MTUS2: variants seen among roughly 807,000 people sequenced by gnomAD.
The protein encoded by MTUS2 is microtubule-associated tumor suppressor candidate 2.
In MTUS2, 40 loss-of-function variants were observed where a neutral mutation model predicts 114.1. That is an observed-to-expected ratio of 0.35 (90% confidence interval 0.27 to 0.46). MTUS2 has a LOEUF of 0.46. Ranked by LOEUF, MTUS2 falls within the 20% of genes least tolerant of loss-of-function variation. The pLI is 1.00. For missense variants in MTUS2, 1,679 were observed against 1,705.4 expected, an observed-to-expected ratio of 0.98 and a Z score of 0.27; for synonymous variants, 688 against 672.0, an observed-to-expected ratio of 1.02 and a Z score of -0.37.
At chr13:29,279,017 C>T (rs1031633093) in intron 5 of MTUS2, among the ~76,000 whole-genome samples, 1 of 152,114 alleles carries the variant, frequency 6.6e-6, no homozygotes, top group African/African-American at 2.4e-5. Context: ...TTAGCATGTA[C>T]ATTAATAACT....
At position 29,457,910 on chromosome 13, in the gene MTUS2, A is replaced by G. The variant is rs1488358847; in HGVS notation, c.3184+17861A>G. 2.6e-5 allele frequency among the ~76,000 whole-genome samples: 4 copies of G among 151,938 alleles called. No individual in the cohort carries two copies. The East Asian group carries it at 7.7e-4, about 29-fold the overall frequency. On this transcript the variant is annotated intron_variant, in intron 9 of 15. Transcript: ENST00000612955. Reference sequence around the variant, plus strand: ...TCTCTGGTCGCTAATGATATTGAGCACTTTTTTTTAAATGTAGATTTTTAG... The same window carrying G: ...TCTCTGGTCGCTAATGATATTGAGCGCTTTTTTTTAAATGTAGATTTTTAG...
chr13:28,991,367 A>ATTTT (rs34590167), intron 2 of MTUS2, among the ~76,000 whole-genome samples: 1 of 125,478 alleles, frequency 8.0e-6, no homozygotes, highest in African/African-American at 3.0e-5. Context: ...TGTCTCTTCA[A>ATTTT]TTTTTTTTTT....
At chr13:29,282,002 C>T (rs186176063) in intron 6 of MTUS2, 137 bp downstream of exon 6, 3 of 992,788 alleles carry the variant, frequency 3.0e-6, no homozygotes, top group East Asian at 5.5e-5. Flanking sequence ...ACAATAATAC[C>T]ACTGCTTTTA....
chr13:29,116,335 A>G (rs904867726), intron 5 of MTUS2, among the ~76,000 whole-genome samples: 30 of 152,206 alleles, frequency 2.0e-4, no homozygotes, highest in Non-Finnish European at 3.8e-4. Context: ...AGTTCTTCCT[A>G]AGGAACTGGT....
chr13:29,384,843 A>G (rs1351748840), intron 8 of MTUS2, among the ~76,000 whole-genome samples: 2 of 152,144 alleles, frequency 1.3e-5, no homozygotes. Context: ...GCTTACCTTT[A>G]ACAGTTATTT....
intron 2 of MTUS2, among the ~76,000 whole-genome samples, chr13:28,978,639 T>C (rs1844451076): frequency 6.6e-6 from 1 of 152,176 alleles, no homozygotes; most frequent in Admixed American, 6.5e-5. Context: ...TGGTTGTGAT[T>C]ATAGTTTGTT....
chr13:29,475,921 T>C (rs1195479986), intron 9 of MTUS2, among the ~76,000 whole-genome samples: 2 of 152,208 alleles, frequency 1.3e-5, no homozygotes, highest in African/African-American at 2.4e-5. Flanking sequence ...TCTATAGTAG[T>C]GTACAGTCAT....
intron 4 of MTUS2, among the ~76,000 whole-genome samples, chr13:29,045,464 G>A (rs1175613899): frequency 2.6e-5 from 4 of 152,116 alleles, no homozygotes; most frequent in Non-Finnish European, 4.4e-5. Flanking sequence ...TCATCCCATT[G>A]GGAATTAGGG....
At chr13:29,244,943 G>A (rs369624826) in intron 5 of MTUS2, among the ~76,000 whole-genome samples, 1,966 of 75,648 alleles carry the variant, frequency 0.026, 76 homozygotes, top group African/African-American at 0.089. Context: ...GCGACAGAGC[G>A]AGACTCCGTC....
intron 1 of MTUS2, among the ~76,000 whole-genome samples, chr13:28,827,083 A>C (rs1440766149): frequency 6.6e-6 from 1 of 152,248 alleles, no homozygotes; most frequent in East Asian, 1.9e-4. Flanking sequence ...TATTAAGCCA[A>C]ACACATTTTT....
intron 11 of MTUS2, among the ~76,000 whole-genome samples, chr13:29,490,929 T>G (rs1882016374): frequency 6.6e-6 from 1 of 152,020 alleles, no homozygotes. Flanking sequence ...ATGAATAACG[T>G]GAACAAAGGA....
chr13:28,873,623 T>A (rs1261318665), intron 2 of MTUS2, among the ~76,000 whole-genome samples: 1 of 152,228 alleles, frequency 6.6e-6, no homozygotes, highest in Non-Finnish European at 1.5e-5. Context: ...TTTACAATAA[T>A]GCAATACAAA....
At chr13:29,386,064 A>C (rs1025710268) in intron 8 of MTUS2, among the ~76,000 whole-genome samples, 1 of 152,230 alleles carries the variant, frequency 6.6e-6, no homozygotes, top group Non-Finnish European at 1.5e-5. Context: ...TGAATGAAGA[A>C]ATTTAAAATT....
At chr13:29,395,287 G>A (rs1404987685) in intron 8 of MTUS2, among the ~76,000 whole-genome samples, 1 of 152,190 alleles carries the variant, frequency 6.6e-6, no homozygotes, top group Non-Finnish European at 1.5e-5. Flanking sequence ...TCAGTCTGGA[G>A]GCTGTTGGTG....
At chr13:28,835,719 C>T (rs972243826) in intron 1 of MTUS2, among the ~76,000 whole-genome samples, 2 of 152,062 alleles carry the variant, frequency 1.3e-5, no homozygotes, top group East Asian at 3.8e-4. Context: ...AGTTTTAGTT[C>T]CCCCCAAGGC....
intron 12 of MTUS2, among the ~76,000 whole-genome samples, chr13:29,493,398 G>A (rs866677037): frequency 6.6e-6 from 1 of 152,164 alleles, no homozygotes; most frequent in African/African-American, 2.4e-5. Flanking sequence ...CCAGGGGGAC[G>A]CTAGGGGCCC....
At chr13:28,955,195 C>T (rs1883000885) in intron 2 of MTUS2, among the ~76,000 whole-genome samples, 1 of 152,214 alleles carries the variant, frequency 6.6e-6, no homozygotes, top group African/African-American at 2.4e-5. Flanking sequence ...CTGCCACCTG[C>T]CCACAGTAAT....
At chr13:28,999,979 T>C (rs907077310) in intron 2 of MTUS2, among the ~76,000 whole-genome samples, 42 of 152,352 alleles carry the variant, frequency 2.8e-4, no homozygotes, top group African/African-American at 9.4e-4. Context: ...TGAATAGTAT[T>C]CCATTGTGTA....
intron 4 of MTUS2, among the ~76,000 whole-genome samples, chr13:29,069,792 G>C (rs1888829351): frequency 6.6e-6 from 1 of 152,166 alleles, no homozygotes; most frequent in African/African-American, 2.4e-5. Context: ...GTCTGTAATT[G>C]TGTTTGTTTT....
Sources: allele counts gnomAD v4.1 joint callset (sites outside exome capture counted in the v4.1 genomes callset), GRCh38; gene constraint gnomAD v4.1.1; transcripts MANE v1.5; gene names NCBI Gene and HGNC (gene_info 2026-07-23, HGNC 2026-07-21).